The following FN3K variants were observed in gnomAD, a reference collection of about 807,000 sequenced individuals.
FN3K encodes the protein fructosamine-3-kinase.
A neutral mutation model predicts 24.8 loss-of-function variants in FN3K; 24 were observed. The observed-to-expected ratio is 0.97, with a 90% CI of 0.70 to 1.36. The LOEUF is 1.36. Ranked by LOEUF, FN3K falls within the 40% of genes most tolerant of loss-of-function variation. The pLI, the probability that FN3K is intolerant of heterozygous loss-of-function variation, is 0.00. For synonymous variants in FN3K, 192 were observed against 175.2 expected, an observed-to-expected ratio of 1.10 and a Z score of -0.76; for missense variants, 449 against 416.7, an observed-to-expected ratio of 1.08 and a Z score of -0.67.
intron 4 of FN3K, 71 bp from the exon 5 acceptor site, chr17:82,748,784 T>TG: frequency 1.2e-6 from 2 of 1,609,934 alleles, no homozygotes; most frequent in South Asian, 2.2e-5. Flanking sequence ...GGGTTTTGAA[T>TG]GGTCCCTCTA....
In FN3K at chr17:82,750,577, T is replaced by A. The variant is rs1568072333; in HGVS notation, c.752T>A (p.Met251Lys). The change falls in exon 6 of 6, where the codon ATG becomes AAG. Residue 251 changes from methionine to lysine, a missense_variant. By Grantham distance (95) the Met-to-Lys change is moderately conservative (BLOSUM62 -1). Transcript: ENST00000300784. ...GAGTTTGAACTGGCAATCGCCTTGA[T>A]GTTTGGGGGGTTCCCCAGATCCTTC... ...HSEFELAIALMFGGFPRSFFT... is the reference protein window; with the variant it reads ...HSEFELAIALKFGGFPRSFFT... 6.2e-7 allele frequency: 1 copy of A among 1,614,168 alleles called. No homozygotes were observed.
intron 4 of FN3K, among the ~76,000 whole-genome samples, chr17:82,743,683 AGCAGGTAACC>A (rs1218356149): frequency 6.6e-6 from 1 of 152,234 alleles, no homozygotes; most frequent in Non-Finnish European, 1.5e-5. Context: ...CACTTGCCCT[AGCAGGTAACC>A]AGGCAGATAA....
At chr17:82,743,685 C>T (rs2046953131) in intron 4 of FN3K, among the ~76,000 whole-genome samples, 1 of 152,252 alleles carries the variant, frequency 6.6e-6, no homozygotes, top group African/African-American at 2.4e-5. Context: ...CTTGCCCTAG[C>T]AGGTAACCAG....
At position 82,740,794 on chromosome 17, in the gene FN3K, G is replaced by C. The variant is rs190928766; in HGVS notation, c.325G>C (p.Asp109His). ...QASKLGEQMA[D>H]LHLYNQKLRE... Reference sequence around the variant, plus strand: ...ATCAAAACTTGGAGAGCAGATGGCAGATTTGCATCTTTACAACCAGAAGCT... The same window carrying C: ...ATCAAAACTTGGAGAGCAGATGGCACATTTGCATCTTTACAACCAGAAGCT... Residue 109 changes from aspartate (D) to histidine (H), a missense_variant, in exon 3 of 6, where the codon GAT becomes CAT. By Grantham distance (81) the Asp-to-His change is moderately conservative. Transcript: ENST00000300784. The C allele has an allele frequency of 1.9e-6, 3 of 1,613,788 alleles. No individual in the cohort carries two copies. In the African/African-American group the frequency reaches 4.0e-5, roughly 22 times the overall value.
intron 5 of FN3K, chr17:82,749,455 G>A: frequency 3.6e-6 from 1 of 279,350 alleles, no homozygotes; most frequent in South Asian, 3.7e-5. Context: ...CTTGAGGTCA[G>A]GAGTTTGAGA....
intron 5 of FN3K, chr17:82,750,013 G>A (rs567948028): frequency 8.4e-6 from 2 of 239,308 alleles, no homozygotes; most frequent in Non-Finnish European, 1.7e-5. Flanking sequence ...AGCCGAGATG[G>A]CGCCACTGCA....
At chr17:82,747,902 T>C (rs1201681422) in intron 4 of FN3K, among the ~76,000 whole-genome samples, 1 of 152,150 alleles carries the variant, frequency 6.6e-6, no homozygotes, top group Non-Finnish European at 1.5e-5. Context: ...AATACAGGTA[T>C]ATTAGGGGTT....
At chr17:82,744,237 G>A (rs570856232) in intron 4 of FN3K, among the ~76,000 whole-genome samples, 26 of 152,284 alleles carry the variant, frequency 1.7e-4, no homozygotes, top group Admixed American at 5.9e-4. Flanking sequence ...CTCCCCGAAG[G>A]AGTTTTACAA....
rs2047021738 is a variant in FN3K at position 82,750,857 on chromosome 17, C to CCCGTCTCCCCGTCCCT, written c.*111_*126dup. 1 of 816,830 alleles carries CCCGTCTCCCCGTCCCT rather than the reference C, an allele frequency of 1.2e-6. No homozygotes were observed. The highest frequency in any genetic ancestry group is 1.8e-6 in the Non-Finnish European group (1 of 545,780). The allele number at this position is 816,830 out of a possible 1,614,324, so 50.6% of individuals were successfully genotyped here. Reference sequence around the variant, plus strand: ...GTGCCCCCGTCCCTGTCCCCCTGTTCCCGTCTCCCCGTCCCTCCGTCTCCA... The same window carrying CCCGTCTCCCCGTCCCT: ...GTGCCCCCGTCCCTGTCCCCCTGTTCCCGTCTCCCCGTCCCTCCGTCTCCCCGTCCCTCCGTCTCCA... On this transcript the variant is annotated 3_prime_UTR_variant, in exon 6 of 6. Coordinates refer to ENST00000300784, the MANE Select transcript of FN3K (RefSeq NM_022158.4).
chr17:82,741,537 T>G, intron 4 of FN3K, 144 bp downstream of exon 4: 1 of 767,794 alleles, frequency 1.3e-6, no homozygotes. Context: ...ATACCTGGAA[T>G]GGGGAGAGCA....
chr17:82,747,656 C>T (rs1359150477), intron 4 of FN3K, among the ~76,000 whole-genome samples: 1 of 152,230 alleles, frequency 6.6e-6, no homozygotes, highest in Non-Finnish European at 1.5e-5. Flanking sequence ...ACCTCGGCCT[C>T]CCAAAGTGTT....
At position 82,750,929 on chromosome 17, in the gene FN3K, CCT is replaced by C. The variant is rs1478832712; in HGVS notation, c.*176_*177del. Reference sequence around the variant, plus strand: ...CTGTCCCCGTCCCCCCGTCCCCGTCCCTCCATCCCTGTCCCCCGTCCCCCTGT... The same window carrying C: ...CTGTCCCCGTCCCCCCGTCCCCGTCCCCATCCCTGTCCCCCGTCCCCCTGT... On this transcript the variant is annotated 3_prime_UTR_variant, in exon 6 of 6. Coordinates refer to ENST00000300784, the MANE Select transcript of FN3K (RefSeq NM_022158.4). 5.8e-6 allele frequency: 2 copies of C among 343,944 alleles called. No homozygotes were observed. Among genetic ancestry groups the C allele is most frequent in the Non-Finnish European group, 5.2e-6 (1 of 192,548 alleles). 21.3% of individuals were successfully genotyped at this position (343,944 alleles called of 1,614,324 possible).
chr17:82,748,814 C>T, intron 4 of FN3K, 41 bp from the exon 5 acceptor site: 31 of 1,611,442 alleles, frequency 1.9e-5, no homozygotes, highest in Non-Finnish European at 2.6e-5. Context: ...CAGCACTTGG[C>T]TCCGAATTGC....
In FN3K at chr17:82,750,628, C is replaced by A. The variant is rs1051611762; in HGVS notation, c.803C>A (p.Pro268His). 21 of 1,613,986 alleles carry A rather than the reference C, an allele frequency of 1.3e-5. No individual in the cohort carries two copies. Among genetic ancestry groups the A allele is most frequent in the Admixed American group, 5.0e-5 (3 of 60,014 alleles). The change falls in exon 6 of 6, where the codon CCC becomes CAC. Residue 268 changes from proline (P) to histidine (H), a missense_variant. Coordinates refer to ENST00000300784, the MANE Select transcript of FN3K (RefSeq NM_022158.4). The part of the protein sequence containing the change: ...SFFTAYHRKI[P>H]KAPGFDQRLL... ...TTCACCGCCTACCACCGGAAGATCC[C>A]CAAGGCTCCGGGCTTCGACCAGCGG...
At position 82,750,812 on chromosome 17, in the gene FN3K, T is replaced by TC. The variant is rs1334572038; in HGVS notation, c.*63dup. 1.5e-5 allele frequency: 19 copies of TC among 1,259,722 alleles called. No homozygotes were observed. In the Admixed American group the frequency reaches 3.3e-4, roughly 22 times the overall value. 78.0% of individuals were successfully genotyped at this position (1,259,722 alleles called of 1,614,324 possible). A position where few individuals can be genotyped will look rare whatever the true frequency, so the allele number is the denominator to read the frequency against. ...CCCCGTCTCCGTCTCCCCGTCCCTGTCCCCCCGTCCCCCGTCCCTGTGCCC... is the reference window on the plus strand; with the variant it reads ...CCCCGTCTCCGTCTCCCCGTCCCTGTCCCCCCCGTCCCCCGTCCCTGTGCCC... On this transcript the variant is annotated 3_prime_UTR_variant, in exon 6 of 6. Transcript: ENST00000300784.
intron 1 of FN3K, 32 bp downstream of exon 1, chr17:82,735,809 G>A (rs757455820): frequency 1.4e-5 from 22 of 1,545,330 alleles, no homozygotes; most frequent in Non-Finnish European, 1.9e-5. Flanking sequence ...GGGGCTCTGC[G>A]GGTCTCTGCG....
At chr17:82,750,334 G>A (rs2047000013) in intron 5 of FN3K, 83 bp from the exon 6 acceptor site, 3 of 1,254,746 alleles carry the variant, frequency 2.4e-6, no homozygotes, top group Middle Eastern at 3.7e-4. Context: ...GATCGCGAGT[G>A]GGCTTTGCCT....
Position 82,750,790 on chromosome 17 carries a change from C to T in FN3K, c.*35C>T, listed in dbSNP as rs376005727. ...CCCTCCCTTCCCCTGTCCCCGTCCC[C>T]GTCTCCGTCTCCCCGTCCCTGTCCC... On this transcript the variant is annotated 3_prime_UTR_variant, in exon 6 of 6. Transcript: ENST00000300784. The T allele has an allele frequency of 1.1e-5, 17 of 1,546,508 alleles. No homozygotes were observed. In the Admixed American group the frequency reaches 1.5e-4, roughly 14 times the overall value.
In FN3K at chr17:82,750,799, CT is replaced by C. The variant is rs2047017255; in HGVS notation, c.*45del. On this transcript the variant is annotated 3_prime_UTR_variant, in exon 6 of 6. Transcript: ENST00000300784. ...CCCCTGTCCCCGTCCCCGTCTCCGT[CT>C]CCCCGTCCCTGTCCCCCCGTCCCCC... 6.8e-7 allele frequency: 1 copy of C among 1,474,320 alleles called. No homozygotes were observed. Among genetic ancestry groups the C allele is most frequent in the Non-Finnish European group, 9.1e-7 (1 of 1,096,804 alleles). 91.3% of individuals were successfully genotyped at this position (1,474,320 alleles called of 1,614,324 possible). A position where few individuals can be genotyped will look rare whatever the true frequency, so the allele number is the denominator to read the frequency against.
Sources: gnomAD v4.1 joint callset for allele counts (sites outside exome capture counted in the v4.1 genomes callset) on GRCh38, gnomAD v4.1.1 for gene constraint, MANE v1.5 for transcripts, NCBI Gene and HGNC (gene_info 2026-07-23, HGNC 2026-07-21) for gene names.